The following GABRA5 variants were observed in gnomAD, a reference collection of about 807,000 sequenced individuals.
The protein encoded by GABRA5 is gamma-aminobutyric acid receptor subunit alpha-5.
Under a neutral mutation model 47.3 loss-of-function variants are expected in GABRA5, and 18 were observed. The ratio of observed to expected loss-of-function variants is 0.38; its 90% CI spans 0.26 to 0.56. GABRA5 has a LOEUF of 0.56. Ranked by LOEUF, GABRA5 falls within the 20% of genes least tolerant of loss-of-function variation. The pLI is 0.71. For missense variants in GABRA5, 365 were observed against 599.3 expected, an observed-to-expected ratio of 0.61 and a Z score of 4.08; for synonymous variants, 237 against 229.3, an observed-to-expected ratio of 1.03 and a Z score of -0.30.
At chr15:26,899,675 G>A (rs1158232805) in intron 6 of GABRA5, among the ~76,000 whole-genome samples, 1 of 152,108 alleles carries the variant, frequency 6.6e-6, no homozygotes, top group Non-Finnish European at 1.5e-5. Context: ...TTATTATCAT[G>A]TAATATCTTT....
At chr15:26,911,398 A>AACACAC (rs1211826336) in intron 6 of GABRA5, among the ~76,000 whole-genome samples, 1 of 96,782 alleles carries the variant, frequency 1.0e-5, no homozygotes, top group Non-Finnish European at 2.1e-5. Context: ...CACACACACA[A>AACACAC]ACACACACAC....
chr15:26,880,836 T>C lies in GABRA5; in HGVS notation c.87-10T>C. On this transcript the variant is annotated splice_polypyrimidine_tract_variant and intron_variant, in intron 3 of 10. Coordinates refer to ENST00000335625, the MANE Select transcript of GABRA5 (RefSeq NM_000810.4). ...GTTTTAACGCTTCCTCTTGTTTCTC[T>C]TTTTAAAAGCTTTTCACAGATGCCA... is the stretch of plus-strand genomic sequence containing the variant. 6.2e-7 allele frequency: 1 copy of C among 1,612,438 alleles called. No individual in the cohort carries two copies. Among genetic ancestry groups the C allele is most frequent in the Non-Finnish European group, 8.5e-7 (1 of 1,179,344 alleles).
intron 3 of GABRA5, among the ~76,000 whole-genome samples, chr15:26,869,906 T>C (rs958128478): frequency 2.6e-5 from 4 of 152,174 alleles, no homozygotes; most frequent in Non-Finnish European, 5.9e-5. Flanking sequence ...CACTATCATT[T>C]CCAGTAACCC....
chr15:26,900,080 G>A (rs910166458), intron 6 of GABRA5, among the ~76,000 whole-genome samples: 5 of 151,774 alleles, frequency 3.3e-5, no homozygotes, highest in East Asian at 1.9e-4. Context: ...GTTACCCTGC[G>A]GAATAAAATT....
At position 26,923,442 on chromosome 15, in the gene GABRA5, G is replaced by A. The variant is rs1405070756; in HGVS notation, c.580+8557G>A. On this transcript the variant is annotated intron_variant, in intron 7 of 10. Transcript: ENST00000335625. ...TCCTTCTTGCCTCCAGGTTTCTGAT[G>A]AGAAATCTGTCTTTCAAATTTTTTT... Among the ~76,000 whole-genome samples the A allele has an allele frequency of 2.0e-5, 3 of 152,122 alleles. No individual in the cohort carries two copies. The East Asian group carries it at 5.8e-4, about 29-fold the overall frequency.
chr15:26,873,101 C>T lies in GABRA5; in HGVS notation c.86+3767C>T, dbSNP rs563982266. ...CAGCCCCGTGCTAAGGTACGTTTGA[C>T]GACCTGGGATTACTTGAAGTACTAT... is the stretch of plus-strand genomic sequence containing the variant. On this transcript the variant is annotated intron_variant, in intron 3 of 10. Transcript: ENST00000335625. Among the ~76,000 whole-genome samples, 76 of 152,220 alleles carry T rather than the reference C, an allele frequency of 5.0e-4. 1 individual carries two copies. Among genetic ancestry groups the T allele is most frequent in the African/African-American group, 1.7e-3 (72 of 41,534 alleles).
At chr15:26,910,230 GAGCTCTTTCTTGAGTTTAGGACCCTA>G (rs1020897806) in intron 6 of GABRA5, among the ~76,000 whole-genome samples, 7 of 152,232 alleles carry the variant, frequency 4.6e-5, no homozygotes, top group African/African-American at 1.7e-4. Flanking sequence ...ACCAAGCAGA[GAGCTCTTTCTTGAGTTTAGGACCCTA>G]AGCCCTCAAT....
intron 6 of GABRA5, among the ~76,000 whole-genome samples, chr15:26,910,128 C>T (rs1000467522): frequency 6.6e-6 from 1 of 151,244 alleles, no homozygotes; most frequent in Non-Finnish European, 1.5e-5. Flanking sequence ...GGCAGTTTTA[C>T]AAAGGTCACA....
Position 26,937,228 on chromosome 15 carries a change from C to T in GABRA5, c.624C>T (p.Gly208=), listed in dbSNP as rs779223735. 6.2e-7 allele frequency: 1 copy of T among 1,613,994 alleles called. No individual in the cohort carries two copies. Among genetic ancestry groups the T allele is most frequent in the South Asian group, 1.1e-5 (1 of 91,082 alleles). ...NSEVVYVWTN[G]STKSVVVAED... is the part of the protein sequence containing the mutation. The stretch of plus-strand genomic sequence containing the variant: ...AAGTCGTTTACGTCTGGACCAACGG[C>T]TCCACCAAGTCGGTGGTGGTGGCGG... The change falls in exon 8 of 11, where the codon GGC becomes GGT. Residue 208 remains glycine (G), a synonymous_variant. Coordinates refer to ENST00000335625, the MANE Select transcript of GABRA5 (RefSeq NM_000810.4).
chr15:26,927,546 T>C (rs1243656125), intron 7 of GABRA5, among the ~76,000 whole-genome samples: 1 of 152,224 alleles, frequency 6.6e-6, no homozygotes, highest in Non-Finnish European at 1.5e-5. Context: ...TGTAAACTGT[T>C]GACCAAGAGC....
chr15:26,910,797 C>A (rs534793954), intron 6 of GABRA5, among the ~76,000 whole-genome samples: 23 of 152,130 alleles, frequency 1.5e-4, no homozygotes, highest in Admixed American at 2.6e-4. Flanking sequence ...AGTTTCTTAA[C>A]CTTTTGGGCT....
intron 6 of GABRA5, among the ~76,000 whole-genome samples, chr15:26,900,624 T>C (rs9744491): frequency 0.024 from 3,596 of 152,162 alleles, 147 homozygotes; most frequent in African/African-American, 0.082. Context: ...CCTGTCCCTA[T>C]ACATGCATAG....
At chr15:26,912,505 A>G (rs1893620382) in intron 6 of GABRA5, among the ~76,000 whole-genome samples, 1 of 152,238 alleles carries the variant, frequency 6.6e-6, no homozygotes, top group Admixed American at 6.5e-5. Context: ...CCAATTTCAT[A>G]GTCTCTAATA....
chr15:26,893,507 C>T (rs960347466), intron 6 of GABRA5, among the ~76,000 whole-genome samples: 3 of 16,244 alleles, frequency 1.8e-4, no homozygotes, highest in African/African-American at 6.2e-4. Flanking sequence ...CCTGGACCTC[C>T]CTCCTGCGTG....
At chr15:26,874,823 A>G (rs568074138) in intron 3 of GABRA5, among the ~76,000 whole-genome samples, 3 of 152,346 alleles carry the variant, frequency 2.0e-5, no homozygotes, top group East Asian at 3.9e-4. Flanking sequence ...AGAACCAGTT[A>G]ATTTTTAGTT....
At chr15:26,943,512 G>C in intron 10 of GABRA5, 86 bp downstream of exon 10, 1 of 1,228,444 alleles carries the variant, frequency 8.1e-7, no homozygotes, top group South Asian at 1.3e-5. Context: ...ACAAGGTGCT[G>C]CTCCTTCCTA....
In GABRA5 at chr15:26,939,414, C is replaced by G. The variant is rs756444913; in HGVS notation, c.725-511C>G. 7.8e-6 allele frequency: 6 copies of G among 765,114 alleles called. No individual in the cohort carries two copies. In the African/African-American group the frequency reaches 1.0e-4, roughly 13 times the overall value. The allele number at this position is 765,114 out of a possible 1,614,324, so 47.4% of individuals were successfully genotyped here. On this transcript the variant is annotated intron_variant, in intron 8 of 10. Transcript: ENST00000335625. ...GCAGAAGGGTTGAGCTGCCAGGACC[C>G]AGAGCCTCCTGAGCTGCTGCATCTC...
intron 6 of GABRA5, among the ~76,000 whole-genome samples, chr15:26,894,686 G>A (rs1325639738): frequency 6.6e-6 from 1 of 152,102 alleles, no homozygotes; most frequent in Non-Finnish European, 1.5e-5. Context: ...TAGGAATGAT[G>A]TTATATGTAG....
intron 7 of GABRA5, among the ~76,000 whole-genome samples, chr15:26,925,205 AT>A (rs901844726): frequency 6.0e-5 from 9 of 150,372 alleles, no homozygotes; most frequent in African/African-American, 9.7e-5. Context: ...ATTTCTTCTA[AT>A]TTTTTTTTTC....
Sources: allele counts gnomAD v4.1 joint callset (sites outside exome capture counted in the v4.1 genomes callset), GRCh38; gene constraint gnomAD v4.1.1; transcripts MANE v1.5; gene names NCBI Gene and HGNC (gene_info 2026-07-23, HGNC 2026-07-21).